ZNF33A: variants seen among roughly 807,000 people sequenced by gnomAD.
ZNF33A encodes the protein brain my041 protein.
Under a neutral mutation model 15.9 loss-of-function variants are expected in ZNF33A, and 9 were observed. That is an observed-to-expected ratio of 0.57 (90% CI 0.34 to 0.99). The LOEUF (loss-of-function observed/expected upper bound fraction) is 0.99, where lower values mean the gene tolerates loss of function less well. Ranked by LOEUF, ZNF33A falls within the 50% of genes least tolerant of loss-of-function variation. ZNF33A has a pLI of 0.02. For missense variants in ZNF33A, 843 were observed against 941.6 expected (o/e 0.90, Z 1.37); for synonymous variants, 294 against 324.2 (o/e 0.91, Z 1.00).
intron 4 of ZNF33A, among the ~76,000 whole-genome samples, chr10:38,031,666 CT>C (rs2135631300): frequency 6.6e-6 from 1 of 151,622 alleles, no homozygotes; most frequent in South Asian, 2.1e-4. Flanking sequence ...GCTTCTTAAT[CT>C]TTAATAAAGG....
intron 4 of ZNF33A, among the ~76,000 whole-genome samples, chr10:38,039,030 A>AT (rs532368344): frequency 1.3e-5 from 2 of 151,716 alleles, no homozygotes; most frequent in Admixed American, 6.6e-5. Context: ...ATGGATCTGT[A>AT]TTTTTTTTCA....
chr10:38,027,100 C>G (rs1258557656), intron 4 of ZNF33A, among the ~76,000 whole-genome samples: 1 of 152,124 alleles, frequency 6.6e-6, no homozygotes, highest in East Asian at 1.9e-4. Context: ...CATGACCACA[C>G]TGTTTGGATT....
intron 4 of ZNF33A, among the ~76,000 whole-genome samples, chr10:38,021,247 A>T (rs1199450369): frequency 6.6e-6 from 1 of 152,256 alleles, no homozygotes; most frequent in African/African-American, 2.4e-5. Context: ...CAAAAGGAAC[A>T]TTATATAATG....
chr10:38,058,109 GAA>G lies in ZNF33A; in HGVS notation c.*1550_*1551del, dbSNP rs376848850. 59 of 935,700 alleles carry G rather than the reference GAA, an allele frequency of 6.3e-5. No individual in the cohort carries two copies. In the East Asian group the frequency reaches 3.8e-3, roughly 61 times the overall value. The allele number at this position is 935,700 out of a possible 1,614,324, so 58.0% of individuals were successfully genotyped here. On this transcript the variant is annotated 3_prime_UTR_variant, in exon 5 of 5. Coordinates refer to ENST00000432900, the MANE Select transcript of ZNF33A (RefSeq NM_006954.2). ...CTTCCACTTTAGGAAACTAGAAAAA[GAA>G]GAGCAAATTAAATCCAAAGTAACCT...
chr10:38,013,195 CT>C (rs1441516345), intron 2 of ZNF33A, among the ~76,000 whole-genome samples: 1 of 142,276 alleles, frequency 7.0e-6, no homozygotes, highest in Non-Finnish European at 1.5e-5. Context: ...ACTGAAACTT[CT>C]GCCTCCCGGG....
chr10:38,025,029 A>C (rs1564842078), intron 4 of ZNF33A, among the ~76,000 whole-genome samples: 1 of 152,188 alleles, frequency 6.6e-6, no homozygotes, highest in Non-Finnish European at 1.5e-5. Flanking sequence ...TTTCTATTTT[A>C]TGATCTTGTT....
At chr10:38,021,648 A>T (rs1466619636) in intron 4 of ZNF33A, among the ~76,000 whole-genome samples, 1 of 152,168 alleles carries the variant, frequency 6.6e-6, no homozygotes, top group Non-Finnish European at 1.5e-5. Context: ...AAGAAAAGAA[A>T]AAAAAAGAGT....
intron 4 of ZNF33A, among the ~76,000 whole-genome samples, chr10:38,040,018 G>C (rs2065626266): frequency 6.6e-6 from 1 of 151,798 alleles, no homozygotes; most frequent in Non-Finnish European, 1.5e-5. Context: ...AATCTCTAAG[G>C]ATTGCTTTAT....
At chr10:38,049,434 G>T (rs921327770) in intron 4 of ZNF33A, among the ~76,000 whole-genome samples, 2 of 151,822 alleles carry the variant, frequency 1.3e-5, no homozygotes, top group African/African-American at 4.8e-5. Flanking sequence ...TCTTTCTTAG[G>T]CAACACAAAT....
chr10:38,055,364 C>CA lies in ZNF33A; in HGVS notation c.1242dup (p.Cys415MetfsTer2). ...AACACATACAGGGGAGAAACCCTAT[C>CA]AATGTAATGCGTGTGGGAAAACTTT... On this transcript the variant is annotated frameshift_variant, in exon 5 of 5. Transcript: ENST00000432900. LOFTEE classifies it low-confidence loss of function (END_TRUNC). 6.2e-7 allele frequency: 1 copy of CA among 1,613,162 alleles called. No homozygotes were observed. The highest frequency in any genetic ancestry group is 8.5e-7 in the Non-Finnish European group (1 of 1,179,694).
intron 2 of ZNF33A, among the ~76,000 whole-genome samples, chr10:38,013,342 C>T (rs904962982): frequency 1.3e-5 from 2 of 151,840 alleles, no homozygotes; most frequent in African/African-American, 4.8e-5. Context: ...ATATCTTGAC[C>T]TCGTGATCTG....
At chr10:38,018,378 G>A (rs1452898698) in intron 4 of ZNF33A, among the ~76,000 whole-genome samples, 1 of 152,082 alleles carries the variant, frequency 6.6e-6, no homozygotes, top group Non-Finnish European at 1.5e-5. Context: ...GAATGTGGTT[G>A]GTGGGTTTCA....
At chr10:38,044,344 A>T (rs1234254249) in intron 4 of ZNF33A, among the ~76,000 whole-genome samples, 1 of 149,220 alleles carries the variant, frequency 6.7e-6, no homozygotes, top group African/African-American at 2.5e-5. Context: ...AGTAGCTGGG[A>T]TTACAGGTGC....
chr10:38,018,124 A>G (rs544696703), intron 4 of ZNF33A, among the ~76,000 whole-genome samples: 2 of 152,320 alleles, frequency 1.3e-5, no homozygotes, highest in East Asian at 3.9e-4. Context: ...AAAAAAATAA[A>G]TTATGCCTCT....
At chr10:38,010,522 C>T (rs544536788), upstream of ZNF33A, 3 of 663,138 alleles carry the variant, frequency 4.5e-6, no homozygotes, top group East Asian at 5.3e-5. Context: ...CAACTCAGAC[C>T]GCATCTGCCC....
chr10:38,058,147 T>TA lies in ZNF33A; in HGVS notation c.*1588dup. 1 of 769,040 alleles carries TA rather than the reference T, an allele frequency of 1.3e-6. No individual in the cohort carries two copies. The highest frequency in any genetic ancestry group is 6.3e-5 in the Admixed American group (1 of 15,984). The allele number at this position is 769,040 out of a possible 1,614,324, so 47.6% of individuals were successfully genotyped here. On this transcript the variant is annotated 3_prime_UTR_variant, in exon 5 of 5. Transcript: ENST00000432900. Reference sequence around the variant, plus strand: ...AATCCAAAGTAACCTGAAAAAACATTAGAGTAAAAATCATTGAAATTGAAA... The same window carrying TA: ...AATCCAAAGTAACCTGAAAAAACATTAAGAGTAAAAATCATTGAAATTGAAA...
chr10:38,040,797 A>G (rs553978468), intron 4 of ZNF33A, among the ~76,000 whole-genome samples: 10 of 152,232 alleles, frequency 6.6e-5, no homozygotes, highest in African/African-American at 1.9e-4. Context: ...TGTTATTGCT[A>G]TGCAGATGGT....
chr10:38,063,449 A>T (rs1043246939), downstream of ZNF33A, among the ~76,000 whole-genome samples: 11 of 152,218 alleles, frequency 7.2e-5, no homozygotes, highest in African/African-American at 2.7e-4. Context: ...AGCTTTGTGC[A>T]TAGAGGTGCA....
chr10:38,012,478 C>T (rs2064234281), intron 2 of ZNF33A, 128 bp downstream of exon 2: 4 of 1,137,722 alleles, frequency 3.5e-6, no homozygotes, highest in South Asian at 3.0e-5. Flanking sequence ...GTCACCCAGG[C>T]TGGAGTACAA....
Sources: gnomAD v4.1 joint callset for allele counts (sites outside exome capture counted in the v4.1 genomes callset) on GRCh38, gnomAD v4.1.1 for gene constraint, MANE v1.5 for transcripts, NCBI Gene and HGNC (gene_info 2026-07-23, HGNC 2026-07-21) for gene names.